The following FMN1 variants were observed in gnomAD, a reference collection of about 807,000 sequenced individuals.
FMN1 encodes formin 1.
In FMN1, 110 loss-of-function variants were observed where a neutral mutation model predicts 132.4. The ratio of observed to expected loss-of-function variants is 0.83; its 90% CI spans 0.71 to 0.97. The LOEUF (loss-of-function observed/expected upper bound fraction) is 0.97. FMN1 is among the 50% of genes least tolerant of loss of function. The pLI is 0.00. For missense variants in FMN1, 1,792 were observed against 1,705.3 expected, an observed-to-expected ratio of 1.05 and a Z score of -0.90; for synonymous variants, 722 against 651.7, an observed-to-expected ratio of 1.11 and a Z score of -1.64.
At chr15:33,113,910 C>G (rs947077301) in intron 4 of FMN1, among the ~76,000 whole-genome samples, 1 of 152,172 alleles carries the variant, frequency 6.6e-6, no homozygotes, top group Admixed American at 6.5e-5. Context: ...TTAGCCTTAA[C>G]GATGTTTTCA....
intron 4 of FMN1, 97 bp downstream of exon 4, chr15:33,152,951 T>A: frequency 7.9e-7 from 1 of 1,271,628 alleles, no homozygotes; most frequent in South Asian, 1.6e-5. Context: ...GGAATTTTGG[T>A]CCATTGTTAA....
At chr15:32,987,393 G>A (rs902663362) in intron 7 of FMN1, among the ~76,000 whole-genome samples, 10 of 152,066 alleles carry the variant, frequency 6.6e-5, no homozygotes, top group Admixed American at 2.0e-4. Context: ...CATGTACTCC[G>A]AATAATTACA....
intron 4 of FMN1, among the ~76,000 whole-genome samples, chr15:33,124,780 A>G (rs892064996): frequency 4.6e-5 from 7 of 151,694 alleles, no homozygotes; most frequent in Admixed American, 4.6e-4. Context: ...TTAATTTTGG[A>G]TTTTGTTTTC....
intron 4 of FMN1, chr15:33,150,519 C>A: frequency 1.8e-5 from 18 of 985,392 alleles, no homozygotes; most frequent in Non-Finnish European, 2.2e-5. Flanking sequence ...AATTACAAAC[C>A]CAACAGAAGG....
intron 19 of FMN1, among the ~76,000 whole-genome samples, chr15:32,777,418 GT>G (rs539282127): frequency 1.2e-4 from 14 of 113,382 alleles, no homozygotes; most frequent in African/African-American, 4.0e-4. Flanking sequence ...CATTCTGTAG[GT>G]TTTTTTCCAT....
intron 19 of FMN1, among the ~76,000 whole-genome samples, chr15:32,786,228 T>G (rs1458416521): frequency 1.3e-5 from 2 of 152,136 alleles, no homozygotes; most frequent in Non-Finnish European, 2.9e-5. Flanking sequence ...TGGACGAACA[T>G]GATAAACAAA....
intron 19 of FMN1, among the ~76,000 whole-genome samples, chr15:32,794,052 A>ATAGCC (rs2057187913): frequency 6.6e-6 from 1 of 152,192 alleles, no homozygotes; most frequent in Non-Finnish European, 1.5e-5. Flanking sequence ...AGCTTTCAGG[A>ATAGCC]TAGCCTCACA....
At chr15:33,176,063 A>C (rs567644047) in intron 3 of FMN1, among the ~76,000 whole-genome samples, 2 of 152,236 alleles carry the variant, frequency 1.3e-5, no homozygotes, top group East Asian at 3.9e-4. Flanking sequence ...CAAATGGTAC[A>C]TTTTCCTTTT....
In FMN1 at chr15:32,837,085, G is replaced by A. The variant is rs140605160; in HGVS notation, c.3928+19930C>T. 6.1e-3 allele frequency: 1,398 copies of A among 228,014 alleles called. 19 individuals carry two copies. Among genetic ancestry groups the A allele is most frequent in the African/African-American group, 0.03 (1,302 of 43,262 alleles). 14.1% of individuals were successfully genotyped at this position (228,014 alleles called of 1,614,324 possible). A position where few individuals can be genotyped will look rare whatever the true frequency, so the allele number is the denominator to read the frequency against. On this transcript the variant is annotated intron_variant, in intron 17 of 20. Coordinates refer to ENST00000616417, the MANE Select transcript of FMN1 (RefSeq NM_001277313.2). Reference sequence around the variant, plus strand: ...TGCTACAATGCTGTGTCTGTTCACCGCCAGGAGGAAGGCTTGATTAGCACT... The same window carrying A: ...TGCTACAATGCTGTGTCTGTTCACCACCAGGAGGAAGGCTTGATTAGCACT...
intron 3 of FMN1, among the ~76,000 whole-genome samples, chr15:33,178,257 G>C (rs996776849): frequency 2.6e-5 from 4 of 152,144 alleles, no homozygotes; most frequent in Admixed American, 1.3e-4. Flanking sequence ...CTTCACTCCA[G>C]CACTTCCAAG....
intron 15 of FMN1, among the ~76,000 whole-genome samples, chr15:32,891,188 T>C (rs1392401642): frequency 1.3e-5 from 2 of 152,226 alleles, no homozygotes; most frequent in Non-Finnish European, 2.9e-5. Flanking sequence ...TGCCTCCAAA[T>C]TTCTCTTCTG....
At chr15:32,788,330 T>C (rs1010944265) in intron 19 of FMN1, among the ~76,000 whole-genome samples, 2 of 152,222 alleles carry the variant, frequency 1.3e-5, no homozygotes, top group African/African-American at 4.8e-5. Flanking sequence ...AAAACTGAAA[T>C]CAGCCCTGTG....
intron 4 of FMN1, among the ~76,000 whole-genome samples, chr15:33,124,696 C>G (rs548091614): frequency 6.6e-6 from 1 of 152,184 alleles, no homozygotes; most frequent in African/African-American, 2.4e-5. Context: ...TTTTCAGAAA[C>G]TGATCCACAA....
At chr15:33,104,406 T>C (rs986422929) in intron 4 of FMN1, among the ~76,000 whole-genome samples, 1 of 152,140 alleles carries the variant, frequency 6.6e-6, no homozygotes, top group African/African-American at 2.4e-5. Context: ...TGCTAAGGAA[T>C]AGAAGCACCA....
chr15:33,090,751 T>C (rs367864243), intron 4 of FMN1, among the ~76,000 whole-genome samples: 13 of 152,276 alleles, frequency 8.5e-5, no homozygotes, highest in Admixed American at 1.3e-4. Flanking sequence ...TCTCAAGACA[T>C]AGGAATGAAC....
rs398026774 is a variant in FMN1 at position 33,069,993 on chromosome 15, C to CTCTTTTTTTTTTTTT, written c.2044-4920_2044-4919insAAAAAAAAAAAAAGA. 1.1e-4 allele frequency among the ~76,000 whole-genome samples: 8 copies of CTCTTTTTTTTTTTTT among 74,294 alleles called. 2 individuals carry two copies. The highest frequency in any genetic ancestry group is 1.7e-4 in the Non-Finnish European group (7 of 40,640). The allele number at this position is 74,294 out of a possible 152,430, so 48.7% of individuals were successfully genotyped here. ...AACAGATCATAAGATCAGTCTTTCT[C>CTCTTTTTTTTTTTTT]TTTTTTTTTTTTTTTTTTTTTTTTT... On this transcript the variant is annotated intron_variant, in intron 5 of 20. Transcript: ENST00000616417.
At chr15:32,934,890 AGC>A (rs2061222687) in intron 9 of FMN1, among the ~76,000 whole-genome samples, 1 of 150,434 alleles carries the variant, frequency 6.6e-6, no homozygotes, top group Non-Finnish European at 1.5e-5. Flanking sequence ...TACAGGCATG[AGC>A]CACTGTATCT....
intron 5 of FMN1, among the ~76,000 whole-genome samples, chr15:33,087,192 G>A (rs1419681090): frequency 2.0e-5 from 3 of 152,208 alleles, no homozygotes; most frequent in African/African-American, 7.2e-5. Flanking sequence ...GTGAACCCCA[G>A]CCCAGTGCTT....
At chr15:33,038,988 C>G (rs2036305819) in intron 6 of FMN1, among the ~76,000 whole-genome samples, 1 of 152,186 alleles carries the variant, frequency 6.6e-6, no homozygotes, top group African/African-American at 2.4e-5. Context: ...GATTCACAGA[C>G]TCCCTCCAGA....
Sources: allele counts gnomAD v4.1 joint callset (sites outside exome capture counted in the v4.1 genomes callset), GRCh38; gene constraint gnomAD v4.1.1; transcripts MANE v1.5; gene names NCBI Gene and HGNC (gene_info 2026-07-23, HGNC 2026-07-21).